Variants in SNX9 observed in about 807,000 individuals in gnomAD.
SNX9 encodes the protein sorting nexin-9.
SNX9 carries 44 observed loss-of-function variants against 89.4 expected under a neutral mutation model. The observed-to-expected ratio is 0.49, with a 90% confidence interval of 0.39 to 0.63. SNX9 has a LOEUF of 0.63. Ranked by LOEUF, SNX9 falls within the 30% of genes least tolerant of loss-of-function variation. The probability of loss-of-function intolerance (pLI) is 0.00; values close to 1 mark genes in which losing one functional copy is unlikely to be tolerated. For synonymous variants in SNX9, 236 were observed against 247.8 expected (o/e 0.95, Z 0.45); for missense variants, 578 against 736.1 (o/e 0.79, Z 2.49).
rs551309817 is a variant in SNX9, at chr6:157,846,048, G to A, written c.13-21499G>A. On this transcript the variant is annotated intron_variant, in intron 1 of 17. Coordinates refer to ENST00000392185, the MANE Select transcript of SNX9 (RefSeq NM_016224.5). ...GGCAAAATTCTGGTGAGAGGCGCCC[G>A]TCCTGCTGTGCAGGTGTCTCTTACG... is the stretch of plus-strand genomic sequence containing the variant. Among the ~76,000 whole-genome samples the A allele has an allele frequency of 9.2e-5, 14 of 152,296 alleles. No homozygotes were observed. The South Asian group carries it at 1.9e-3, about 20-fold the overall frequency.
At chr6:157,915,623 TAAAAA>T (rs1172699831) in intron 9 of SNX9, among the ~76,000 whole-genome samples, 3 of 71,260 alleles carry the variant, frequency 4.2e-5, no homozygotes, top group African/African-American at 2.2e-4. Context: ...CCATCTCTAC[TAAAAA>T]AAAAAAAAAA....
chr6:157,874,209 CT>C (rs1269509892), intron 3 of SNX9: 1 of 152,282 alleles, frequency 6.6e-6, no homozygotes, highest in Non-Finnish European at 1.5e-5. Context: ...CCGATGCAAT[CT>C]CTAGGCTTTC....
At chr6:157,858,183 T>A (rs1368597865) in intron 1 of SNX9, among the ~76,000 whole-genome samples, 1 of 152,180 alleles carries the variant, frequency 6.6e-6, no homozygotes, top group South Asian at 2.1e-4. Flanking sequence ...GTATCACATA[T>A]GCTATCGTTC....
chr6:157,918,336 C>G (rs937488989), intron 9 of SNX9, among the ~76,000 whole-genome samples: 1 of 152,030 alleles, frequency 6.6e-6, no homozygotes, highest in Non-Finnish European at 1.5e-5. Context: ...ATGTAGTGAC[C>G]TCTTATATCA....
chr6:157,933,278 A>C (rs939756595), intron 13 of SNX9, among the ~76,000 whole-genome samples: 6 of 152,088 alleles, frequency 3.9e-5, no homozygotes, highest in African/African-American at 1.2e-4. Context: ...TGGGCAACAG[A>C]GTGAGACCCC....
chr6:157,936,109 C>T (rs1344728076), intron 14 of SNX9, 69 bp downstream of exon 14: 4 of 1,286,302 alleles, frequency 3.1e-6, no homozygotes, highest in Non-Finnish European at 4.4e-6. Context: ...AATTTAAAAC[C>T]TGTCTTAGGA....
At chr6:157,881,715 C>T (rs901166350) in intron 4 of SNX9, among the ~76,000 whole-genome samples, 2 of 152,116 alleles carry the variant, frequency 1.3e-5, no homozygotes, top group East Asian at 1.9e-4. Flanking sequence ...TCAAACAGGC[C>T]ACAACATTCC....
intron 13 of SNX9, 63 bp from the exon 14 acceptor site, chr6:157,935,901 T>A: frequency 8.3e-7 from 1 of 1,200,594 alleles, no homozygotes; most frequent in African/African-American, 1.6e-5. Flanking sequence ...AATAATAAAA[T>A]TTTAACAAGT....
chr6:157,845,452 A>G (rs149055991), intron 1 of SNX9, among the ~76,000 whole-genome samples: 2 of 152,294 alleles, frequency 1.3e-5, no homozygotes, highest in East Asian at 3.9e-4. Context: ...TTATTTTGAC[A>G]GTAAACTTTT....
intron 4 of SNX9, among the ~76,000 whole-genome samples, chr6:157,891,495 G>C (rs535713004): frequency 6.6e-5 from 10 of 152,206 alleles, no homozygotes; most frequent in African/African-American, 2.4e-4. Flanking sequence ...TCCTCCTTTT[G>C]GTGATCATGT....
At chr6:157,825,109 G>A (rs768105039) in intron 1 of SNX9, among the ~76,000 whole-genome samples, 1 of 152,268 alleles carries the variant, frequency 6.6e-6, no homozygotes, top group Non-Finnish European at 1.5e-5. Context: ...TTAGCTGGGC[G>A]TGGTGGCGCG....
chr6:157,923,032 T>G (rs1783614672), intron 10 of SNX9, among the ~76,000 whole-genome samples: 1 of 152,238 alleles, frequency 6.6e-6, no homozygotes. Flanking sequence ...GTTTTCTGCA[T>G]GGTGGAGTTA....
intron 5 of SNX9, among the ~76,000 whole-genome samples, chr6:157,901,145 C>T (rs899898032): frequency 7.9e-5 from 12 of 152,342 alleles, no homozygotes; most frequent in Admixed American, 7.8e-4. Context: ...AAGCACATCA[C>T]ATGCTGTTGG....
At chr6:157,854,236 T>C (rs1340103706) in intron 1 of SNX9, among the ~76,000 whole-genome samples, 6 of 152,216 alleles carry the variant, frequency 3.9e-5, no homozygotes, top group South Asian at 2.1e-4. Context: ...AGTTTTACAA[T>C]TGGGAAAAGC....
chr6:157,856,641 G>A (rs78319698), intron 1 of SNX9, among the ~76,000 whole-genome samples: 8,129 of 152,100 alleles, frequency 0.053, 265 homozygotes, highest in East Asian at 0.12. Context: ...TCATTTATAG[G>A]TTCCCTTACC....
At chr6:157,867,520 T>A in intron 1 of SNX9, 27 bp from the exon 2 acceptor site, 1 of 1,585,244 alleles carries the variant, frequency 6.3e-7, no homozygotes, top group Non-Finnish European at 8.7e-7. Flanking sequence ...GTTTGTAACA[T>A]CCTCTTTTCC....
At position 157,823,735 on chromosome 6, in the gene SNX9, G is replaced by A. The variant is rs1225879992; in HGVS notation, c.12+289G>A. On this transcript the variant is annotated intron_variant, in intron 1 of 17. Coordinates refer to ENST00000392185, the MANE Select transcript of SNX9 (RefSeq NM_016224.5). The surrounding 1 kb of genome is among the most constrained non-coding windows in gnomAD (Gnocchi z 4.6). ...GTTTGGGAAGTTTGCACCTGAGCGT[G>A]GGCTGCGGCGGGCTCGCCGGGAGGG... is the stretch of plus-strand genomic sequence containing the variant. Among the ~76,000 whole-genome samples, 1 of 151,960 alleles carries A rather than the reference G, an allele frequency of 6.6e-6. No homozygotes were observed. Among genetic ancestry groups the A allele is most frequent in the Non-Finnish European group, 1.5e-5 (1 of 67,952 alleles).
chr6:157,832,643 A>T (rs879786661), intron 1 of SNX9, among the ~76,000 whole-genome samples: 1 of 152,230 alleles, frequency 6.6e-6, no homozygotes, highest in Non-Finnish European at 1.5e-5. Context: ...AAGGGGAAGC[A>T]AACATGTCCT....
intron 7 of SNX9, among the ~76,000 whole-genome samples, chr6:157,908,764 C>T (rs1783273414): frequency 6.6e-6 from 1 of 152,138 alleles, no homozygotes; most frequent in Non-Finnish European, 1.5e-5. Context: ...GTCTCTACAC[C>T]CCCACATAGA....
Sources: gnomAD v4.1 joint callset for allele counts (sites outside exome capture counted in the v4.1 genomes callset) on GRCh38, gnomAD v4.1.1 for gene constraint, Gnocchi (gnomAD v3.1) non-coding constraint, MANE v1.5 for transcripts, NCBI Gene and HGNC (gene_info 2026-07-23, HGNC 2026-07-21) for gene names.